The following MTOR variants were observed in gnomAD, a reference collection of about 807,000 sequenced individuals.
MTOR encodes serine/threonine-protein kinase mTOR.
In MTOR, 70 loss-of-function variants were observed where a neutral mutation model predicts 319.8. That is an observed-to-expected ratio of 0.22 (90% CI 0.18 to 0.27). The LOEUF is 0.27. MTOR is among the 10% of genes least tolerant of loss of function. The probability of loss-of-function intolerance (pLI) is 1.00; values close to 1 mark genes in which losing one functional copy is unlikely to be tolerated. For synonymous variants in MTOR, 1,183 were observed against 1,211.4 expected (o/e 0.98, Z 0.49); for missense variants, 1,890 against 3,274.4 (o/e 0.58, Z 10.32).
rs761298829 is a variant in MTOR at position 11,139,311 on chromosome 1, G to A, written c.5123C>T (p.Ala1708Val). The part of the protein sequence containing the change: ...YAYMKNMWKS[A>V]RKIDAFQHMQ... The stretch of plus-strand genomic sequence containing the variant: ...ATGCATTGGGATACAGACCTTGCGG[G>A]CACTCTTCCACATGTTTTTCATGTA... Residue 1708 changes from alanine (A) to valine (V), a missense_variant, in exon 36 of 58, where the codon GCC (alanine) becomes GTC (valine). Physicochemically the swap from Ala to Val is moderately conservative, Grantham distance 64. Coordinates refer to ENST00000361445, the MANE Select transcript of MTOR (RefSeq NM_004958.4). 1.9e-6 allele frequency: 3 copies of A among 1,605,374 alleles called. No homozygotes were observed. The South Asian group carries it at 3.3e-5, about 18-fold the overall frequency.
chr1:11,139,108 A>T, intron 36 of MTOR, 196 bp downstream of exon 36: 1 of 665,190 alleles, frequency 1.5e-6, no homozygotes, highest in Non-Finnish European at 2.5e-6. Flanking sequence ...GATCAATGGT[A>T]TACACACCAT....
intron 49 of MTOR, among the ~76,000 whole-genome samples, chr1:11,118,391 C>T (rs886592051): frequency 1.3e-5 from 2 of 151,096 alleles, no homozygotes; most frequent in African/African-American, 2.4e-5. Context: ...CACGTGCCAC[C>T]ATGCCCAGCT....
chr1:11,194,957 G>C (rs750458723), intron 28 of MTOR: 3 of 1,613,974 alleles, frequency 1.9e-6, no homozygotes, highest in Admixed American at 3.3e-5. Context: ...GGTATGGCTG[G>C]CATGGATCTA....
Position 11,259,327 on chromosome 1 carries a change from C to A in MTOR, c.83G>T (p.Gly28Val). 6.2e-7 allele frequency: 1 copy of A among 1,613,092 alleles called. No individual in the cohort carries two copies. The highest frequency in any genetic ancestry group is 8.5e-7 in the Non-Finnish European group (1 of 1,179,672). Residue 28 changes from glycine to valine, a missense_variant, in exon 2 of 58, where the codon GGC becomes GTC. Coordinates refer to ENST00000361445, the MANE Select transcript of MTOR (RefSeq NM_004958.4). ...GGTTTCCTCATTCCGGCTCTTTAGGCCACTGGCAAACTGCTGCAGGACGCT... is the reference window on the plus strand; with the variant it reads ...GGTTTCCTCATTCCGGCTCTTTAGGACACTGGCAAACTGCTGCAGGACGCT... Reference protein sequence around the residue: ...NVSVLQQFASGLKSRNEETRA... With the variant: ...NVSVLQQFASVLKSRNEETRA...
intron 28 of MTOR, among the ~76,000 whole-genome samples, chr1:11,181,136 C>CTA (rs1645132555): frequency 6.6e-6 from 1 of 152,102 alleles, no homozygotes. Flanking sequence ...TTAGCTGTTG[C>CTA]ATGCAGCCCC....
Position 11,109,993 on chromosome 1 carries a change from CAA to C in MTOR, c.7367-266_7367-265del, listed in dbSNP as rs5772442. Among the ~76,000 whole-genome samples, 8 of 129,816 alleles carry C rather than the reference CAA, an allele frequency of 6.2e-5. No homozygotes were observed. Among genetic ancestry groups the C allele is most frequent in the Non-Finnish European group, 6.3e-5 (4 of 63,632 alleles). The allele number at this position is 129,816 out of a possible 152,430, so 85.2% of individuals were successfully genotyped here. ...CAAGACCAGCCTGAGACTCCATTTG[CAA>C]AAAAAAAAAAAAAAATTTTTAAATC... On this transcript the variant is annotated intron_variant, in intron 54 of 57. Transcript: ENST00000361445. This position sits in a 1 kb window ranked among gnomAD's most constrained non-coding sequence, Gnocchi z 4.0.
chr1:11,188,978 A>G (rs956141776), intron 28 of MTOR, among the ~76,000 whole-genome samples: 2 of 152,234 alleles, frequency 1.3e-5, no homozygotes, highest in African/African-American at 4.8e-5. Context: ...CTGGGTGAGT[A>G]GCGTCTCTTT....
At chr1:11,168,423 T>A (rs1644714287) in intron 28 of MTOR, among the ~76,000 whole-genome samples, 1 of 152,112 alleles carries the variant, frequency 6.6e-6, no homozygotes, top group African/African-American at 2.4e-5. Context: ...ACCATCAGAC[T>A]CTGTGAGTGA....
intron 6 of MTOR, among the ~76,000 whole-genome samples, chr1:11,252,530 T>G (rs1185035481): frequency 6.6e-6 from 1 of 152,070 alleles, no homozygotes; most frequent in Non-Finnish European, 1.5e-5. Flanking sequence ...AAGAGCCCAA[T>G]GAGGTAGGTA....
In MTOR at chr1:11,115,509, G is replaced by C; in HGVS notation, c.7017-41C>G. The stretch of plus-strand genomic sequence containing the variant: ...GACAGATCAGGGAGGGATCAACAGA[G>C]ATAACGGATGAAAAAATCAATAAGT... On this transcript the variant is annotated intron_variant, in intron 50 of 57. Coordinates refer to ENST00000361445, the MANE Select transcript of MTOR (RefSeq NM_004958.4). The surrounding 1 kb of genome is among the most constrained non-coding windows in gnomAD (Gnocchi z 4.5). 1 of 1,581,466 alleles carries C rather than the reference G, an allele frequency of 6.3e-7. No homozygotes were observed. Among genetic ancestry groups the C allele is most frequent in the South Asian group, 1.1e-5 (1 of 90,372 alleles).
chr1:11,249,085 G>A (rs1417369788), intron 6 of MTOR, among the ~76,000 whole-genome samples: 4 of 152,116 alleles, frequency 2.6e-5, no homozygotes, highest in African/African-American at 9.7e-5. Flanking sequence ...TTAGCTGGGT[G>A]TGGTGGCACA....
At chr1:11,131,363 C>A (rs1417275887) in intron 38 of MTOR, 2 of 156,064 alleles carry the variant, frequency 1.3e-5, no homozygotes, top group East Asian at 1.9e-4. Flanking sequence ...CTGGAGCAGG[C>A]ACAGGGCTGG....
chr1:11,185,696 G>A (rs1044904056), intron 28 of MTOR, among the ~76,000 whole-genome samples: 16 of 152,218 alleles, frequency 1.1e-4, no homozygotes, highest in Admixed American at 5.2e-4. Flanking sequence ...TGATAGAAGT[G>A]GCAAATTAGA....
At chr1:11,244,844 G>T (rs545837748) in intron 8 of MTOR, among the ~76,000 whole-genome samples, 1 of 152,296 alleles carries the variant, frequency 6.6e-6, no homozygotes, top group Admixed American at 6.5e-5. Flanking sequence ...TGCTGTACAA[G>T]TTGTAGCCCA....
chr1:11,115,340 G>T lies in MTOR; in HGVS notation c.7089+56C>A. The T allele has an allele frequency of 6.4e-7, 1 of 1,553,774 alleles. No individual in the cohort carries two copies. On this transcript the variant is annotated intron_variant, in intron 51 of 57. Transcript: ENST00000361445. The surrounding 1 kb of genome is among the most constrained non-coding windows in gnomAD (Gnocchi z 4.5). ...TAAGTCTGCCTACAGTGTCAGAGGA[G>T]GGGGAAAAGTGATCACCCGGGAAGA... is the stretch of plus-strand genomic sequence containing the variant.
intron 28 of MTOR, among the ~76,000 whole-genome samples, chr1:11,169,529 C>T (rs532503797): frequency 1.3e-5 from 2 of 152,188 alleles, no homozygotes; most frequent in East Asian, 1.9e-4. Flanking sequence ...CACATGCTGA[C>T]GTGATAACAA....
At chr1:11,170,580 A>G (rs1644781399) in intron 28 of MTOR, among the ~76,000 whole-genome samples, 2 of 151,818 alleles carry the variant, frequency 1.3e-5, no homozygotes, top group Admixed American at 1.3e-4. Context: ...AAAAAAAAAG[A>G]AAGCCAGTAT....
intron 8 of MTOR, among the ~76,000 whole-genome samples, chr1:11,245,172 G>T (rs774268575): frequency 7.2e-5 from 11 of 152,194 alleles, no homozygotes; most frequent in Non-Finnish European, 1.5e-4. Context: ...ACATAAGCCA[G>T]TGTGCATGGG....
intron 28 of MTOR, chr1:11,194,335 A>T: frequency 1.1e-6 from 1 of 886,982 alleles, no homozygotes; most frequent in Middle Eastern, 3.6e-4. Flanking sequence ...ACAAGTAATA[A>T]AGTCTTATTA....
Sources: gnomAD v4.1 joint callset for allele counts (sites outside exome capture counted in the v4.1 genomes callset) on GRCh38, gnomAD v4.1.1 for gene constraint, Gnocchi (gnomAD v3.1) non-coding constraint, MANE v1.5 for transcripts, NCBI Gene and HGNC (gene_info 2026-07-23, HGNC 2026-07-21) for gene names.